The following MRPL37 variants were observed in gnomAD, a reference collection of about 807,000 sequenced individuals.
MRPL37 encodes mitochondrial ribosomal protein L37, also known as large ribosomal subunit protein mL37.
Under a neutral mutation model 44.1 loss-of-function variants are expected in MRPL37, and 34 were observed. The ratio of observed to expected loss-of-function variants is 0.77; its 90% CI spans 0.59 to 1.03. MRPL37 has a LOEUF of 1.03. Among genes scored for constraint, MRPL37 ranks in the 50% least tolerant of loss-of-function variants. The pLI is 0.00. For missense variants in MRPL37, 532 were observed against 543.7 expected, an observed-to-expected ratio of 0.98 and a Z score of 0.21; for synonymous variants, 212 against 219.5, an observed-to-expected ratio of 0.97 and a Z score of 0.30.
downstream of MRPL37, among the ~76,000 whole-genome samples, chr1:54,224,941 GA>G (rs1252803454): frequency 2.3e-4 from 32 of 139,820 alleles, no homozygotes; most frequent in African/African-American, 3.6e-4. Context: ...GGAGGTTTAG[GA>G]AAAAAAAAAA....
At chr1:54,207,726 T>C (rs1395088823) in intron 3 of MRPL37, among the ~76,000 whole-genome samples, 1 of 152,172 alleles carries the variant, frequency 6.6e-6, no homozygotes, top group African/African-American at 2.4e-5. Flanking sequence ...GCAGATTATA[T>C]GTGAGGAAAC....
At chr1:54,210,806 C>T (rs1447395573) in intron 4 of MRPL37, among the ~76,000 whole-genome samples, 2 of 152,192 alleles carry the variant, frequency 1.3e-5, no homozygotes, top group East Asian at 3.9e-4. Flanking sequence ...TGTCTGACCC[C>T]ACACTATTTT....
At chr1:54,222,861 C>T (rs1312263961), downstream of MRPL37, among the ~76,000 whole-genome samples, 2 of 152,208 alleles carry the variant, frequency 1.3e-5, no homozygotes, top group Non-Finnish European at 1.5e-5. Context: ...CCTCCACAAA[C>T]GGCATCTCTG....
downstream of MRPL37, chr1:54,220,586 G>GT (rs1405317260): frequency 4.3e-6 from 2 of 464,474 alleles, no homozygotes; most frequent in Non-Finnish European, 9.0e-6. Context: ...AAGCTCGTGT[G>GT]TCATGACAGC....
At chr1:54,216,047 GT>G (rs1644194635) in intron 5 of MRPL37, 93 bp from the exon 6 acceptor site, 2 of 1,310,992 alleles carry the variant, frequency 1.5e-6, no homozygotes, top group Admixed American at 1.7e-5. Flanking sequence ...GTAGGTGGAC[GT>G]TGTAAAGGGA....
downstream of MRPL37, among the ~76,000 whole-genome samples, chr1:54,218,948 G>C (rs540693477): frequency 1.2e-4 from 19 of 152,388 alleles, no homozygotes; most frequent in South Asian, 3.9e-3. Flanking sequence ...AGAAAACACG[G>C]ATAATTTAAG....
At chr1:54,220,886 TCTCA>T (rs1225621311), downstream of MRPL37, 10 of 448,166 alleles carry the variant, frequency 2.2e-5, no homozygotes, top group Non-Finnish European at 4.3e-5. Context: ...TGAACGTATT[TCTCA>T]CTGTCTCATA....
At chr1:54,214,154 C>T (rs551156840) in intron 5 of MRPL37, among the ~76,000 whole-genome samples, 2 of 152,294 alleles carry the variant, frequency 1.3e-5, no homozygotes, top group East Asian at 1.9e-4. Flanking sequence ...CACTACACTC[C>T]AGCCTGGGTG....
chr1:54,224,367 G>A (rs191093730), downstream of MRPL37, among the ~76,000 whole-genome samples: 1 of 152,196 alleles, frequency 6.6e-6, no homozygotes, highest in African/African-American at 2.4e-5. Context: ...CTCCCCACGA[G>A]TAACATCACT....
At chr1:54,215,731 A>G (rs950530912) in intron 5 of MRPL37, among the ~76,000 whole-genome samples, 7 of 152,176 alleles carry the variant, frequency 4.6e-5, no homozygotes, top group African/African-American at 1.2e-4. Flanking sequence ...GAATGAGATT[A>G]TATCTATCCG....
chr1:54,210,901 C>T (rs761893306), intron 4 of MRPL37, among the ~76,000 whole-genome samples: 1 of 152,182 alleles, frequency 6.6e-6, no homozygotes, highest in Non-Finnish European at 1.5e-5. Context: ...CCCACCTCCC[C>T]GTGGCCTGTT....
chr1:54,205,072 A>C lies in MRPL37; in HGVS notation c.401A>C (p.Glu134Ala). ...ACCAAGTTAATAGAAGGCCTTCCCG[A>C]GAAAGTGCTTAGCCTTGTTGATGAT... The part of the protein sequence containing the change: ...TKTKLIEGLP[E>A]KVLSLVDDPR... Residue 134 changes from glutamate to alanine, a missense_variant, in exon 2 of 7, where the codon GAG becomes GCG. Transcript: ENST00000360840. 1 of 1,614,168 alleles carries C rather than the reference A, an allele frequency of 6.2e-7. No homozygotes were observed. Among genetic ancestry groups the C allele is most frequent in the Non-Finnish European group, 8.5e-7 (1 of 1,180,038 alleles).
rs776754665 is a variant in MRPL37, at chr1:54,216,258, G to A, written c.1108G>A (p.Val370Ile). The change falls in exon 6 of 7, where the codon GTC becomes ATC. Residue 370 changes from valine (V) to isoleucine (I), a missense_variant. Transcript: ENST00000360840. ...CACAGACCTGGACTGTAACGAGGGT[G>A]TCAAGAATTTGGCCTGGGTGGACTC... ...NTTDLDCNEG[V>I]KNLAWVDSDQ... The A allele has an allele frequency of 9.9e-6, 16 of 1,614,226 alleles. No homozygotes were observed. Among genetic ancestry groups the A allele is most frequent in the Non-Finnish European group, 1.4e-5 (16 of 1,180,050 alleles).
At chr1:54,205,254 C>G (rs748094027) in intron 2 of MRPL37, 41 bp from the exon 3 acceptor site, 46 of 1,607,524 alleles carry the variant, frequency 2.9e-5, no homozygotes, top group Non-Finnish European at 3.7e-5. Context: ...TCGAGTCGAC[C>G]TGTTGCTTTA....
At chr1:54,223,001 T>C (rs1326889170), downstream of MRPL37, among the ~76,000 whole-genome samples, 1 of 152,162 alleles carries the variant, frequency 6.6e-6, no homozygotes, top group Non-Finnish European at 1.5e-5. Context: ...GAGATGGTCT[T>C]TGTGGCACTG....
chr1:54,222,263 C>T (rs1275560883), downstream of MRPL37, among the ~76,000 whole-genome samples: 2 of 152,142 alleles, frequency 1.3e-5, no homozygotes, highest in Non-Finnish European at 2.9e-5. Context: ...AGAGAGCTAC[C>T]CCAGCCTGGA....
At position 54,218,346 on chromosome 1, in the gene MRPL37, C is replaced by A; in HGVS notation, c.*97C>A. On this transcript the variant is annotated 3_prime_UTR_variant, in exon 7 of 7. Coordinates refer to ENST00000360840, the MANE Select transcript of MRPL37 (RefSeq NM_016491.4). ...GCCTCAGTGCCCGTTTGGCCTGCTG[C>A]TCTCGCTGACAATAAAGAGCCCTTG... 6.3e-7 allele frequency: 1 copy of A among 1,593,398 alleles called. No individual in the cohort carries two copies. The highest frequency in any genetic ancestry group is 2.2e-5 in the East Asian group (1 of 44,742).
chr1:54,204,980 TCTTTC>T, intron 1 of MRPL37, 33 bp from the exon 2 acceptor site: 1 of 1,582,698 alleles, frequency 6.3e-7, no homozygotes, highest in Non-Finnish European at 8.6e-7. Context: ...TGAATCTTTT[TCTTTC>T]CTTCTTTATT....
Position 54,200,514 on chromosome 1 carries a change from C to A in MRPL37, c.271C>A (p.Pro91Thr), listed in dbSNP as rs1465857599. ...CAAGGACCCAAGGTTCTACCGCTCG[C>A]CCCCTCTTCACGAGCATCCGCTGTA... ...GYKDPRFYRS[P>T]PLHEHPLYKD... The change falls in exon 1 of 7, where the codon CCC (proline) becomes ACC (threonine). Residue 91 changes from proline (P) to threonine (T), a missense_variant. Coordinates refer to ENST00000360840, the MANE Select transcript of MRPL37 (RefSeq NM_016491.4). 1.2e-6 allele frequency: 2 copies of A among 1,614,148 alleles called. No individual in the cohort carries two copies. The highest frequency in any genetic ancestry group is 2.7e-5 in the African/African-American group (2 of 75,066).
Sources: allele counts gnomAD v4.1 joint callset (sites outside exome capture counted in the v4.1 genomes callset), GRCh38; gene constraint gnomAD v4.1.1; transcripts MANE v1.5; gene names NCBI Gene and HGNC (gene_info 2026-07-23, HGNC 2026-07-21).